TANC2: variants seen among roughly 807,000 people sequenced by gnomAD.
The protein encoded by TANC2 is protein TANC2.
Under a neutral mutation model 210.5 loss-of-function variants are expected in TANC2, and 26 were observed. That is an observed-to-expected ratio of 0.12 (90% CI 0.09 to 0.17). The LOEUF is 0.17. Among genes scored for constraint, TANC2 ranks in the 10% least tolerant of loss-of-function variants. The pLI is 1.00. For synonymous variants in TANC2, 931 were observed against 967.1 expected, an observed-to-expected ratio of 0.96 and a Z score of 0.69; for missense variants, 2,129 against 2,608.9, an observed-to-expected ratio of 0.82 and a Z score of 4.01.
chr17:63,313,223 TTTAA>T (rs1233416946), intron 9 of TANC2: 16 of 152,222 alleles, frequency 1.1e-4, no homozygotes, highest in Non-Finnish European at 2.9e-5. Flanking sequence ...ATACCTTATT[TTTAA>T]TTAATTCTTT....
intron 1 of TANC2, among the ~76,000 whole-genome samples, chr17:62,972,882 G>A (rs1009774644): frequency 1.3e-5 from 2 of 151,972 alleles, no homozygotes; most frequent in African/African-American, 4.8e-5. Context: ...CCTCTCCTTT[G>A]TTCTCTGGGC....
intron 1 of TANC2, among the ~76,000 whole-genome samples, chr17:62,976,350 C>T (rs1418649353): frequency 6.6e-6 from 1 of 152,038 alleles, no homozygotes; most frequent in Non-Finnish European, 1.5e-5. Context: ...CCTTACACCC[C>T]TACCCCCAGC....
At chr17:63,304,828 G>A (rs2044843793) in intron 9 of TANC2, among the ~76,000 whole-genome samples, 1 of 152,316 alleles carries the variant, frequency 6.6e-6, no homozygotes, top group East Asian at 1.9e-4. Flanking sequence ...AATGAGGAGG[G>A]ATGGGTCAGG....
chr17:63,004,592 T>TAAAA (rs60120400), intron 1 of TANC2: 2,474 of 153,190 alleles, frequency 0.016, 29 homozygotes, highest in Non-Finnish European at 0.022. Flanking sequence ...AGCATAGCTT[T>TAAAA]AAAAAAAAAA....
chr17:63,119,025 G>T (rs191194585), intron 4 of TANC2, among the ~76,000 whole-genome samples: 1 of 151,814 alleles, frequency 6.6e-6, no homozygotes, highest in Non-Finnish European at 1.5e-5. Context: ...CCCGTGATCC[G>T]CCCACCCCAG....
chr17:63,277,065 C>A (rs2043900042), intron 9 of TANC2, among the ~76,000 whole-genome samples: 2 of 152,140 alleles, frequency 1.3e-5, no homozygotes, highest in Non-Finnish European at 2.9e-5. Flanking sequence ...AGCTTCGACT[C>A]CTCTCTTCCT....
chr17:63,351,279 A>G lies in TANC2; in HGVS notation c.1837A>G (p.Ile613Val), dbSNP rs755062134. 9.9e-6 allele frequency: 16 copies of G among 1,608,176 alleles called. No individual in the cohort carries two copies. The Admixed American group carries it at 2.2e-4, about 22-fold the overall frequency. Residue 613 changes from isoleucine to valine, a missense_variant, in exon 13 of 28, where the codon ATT becomes GTT. By Grantham distance (29) the Ile-to-Val change is conservative (BLOSUM62 3). Transcript: ENST00000689528. ...AAAAATCCCAGATGAAGATTTCATCATTTTAATTGATGGATTAAATGAAGC... is the reference window on the plus strand; with the variant it reads ...AAAAATCCCAGATGAAGATTTCATCGTTTTAATTGATGGATTAAATGAAGC...
intron 14 of TANC2, among the ~76,000 whole-genome samples, chr17:63,358,308 T>C (rs1403743847): frequency 6.6e-6 from 1 of 152,040 alleles, no homozygotes; most frequent in Non-Finnish European, 1.5e-5. Context: ...GATGTATCGT[T>C]GTCTCATTGT....
chr17:63,094,137 T>C (rs140050002), intron 3 of TANC2, among the ~76,000 whole-genome samples: 73 of 152,340 alleles, frequency 4.8e-4, no homozygotes, highest in African/African-American at 1.7e-3. Flanking sequence ...TTTGCCTTAC[T>C]GACTTATTTT....
chr17:63,201,557 A>G (rs2145803706), intron 7 of TANC2, among the ~76,000 whole-genome samples: 1 of 152,078 alleles, frequency 6.6e-6, no homozygotes, highest in Non-Finnish European at 1.5e-5. Context: ...AGAGAACTTG[A>G]AACTTAGAAG....
intron 11 of TANC2, among the ~76,000 whole-genome samples, chr17:63,326,982 T>A (rs1401785983): frequency 6.6e-6 from 1 of 152,070 alleles, no homozygotes; most frequent in African/African-American, 2.4e-5. Context: ...ACCATACATC[T>A]GATAAGGAGT....
chr17:63,398,041 A>G (rs1408141012), intron 18 of TANC2, among the ~76,000 whole-genome samples: 3 of 152,242 alleles, frequency 2.0e-5, no homozygotes, highest in African/African-American at 7.2e-5. Flanking sequence ...TCAAATTCCC[A>G]GAAACAGAAC....
intron 4 of TANC2, chr17:63,149,768 T>A (rs942130380): frequency 3.3e-5 from 5 of 152,146 alleles, no homozygotes; most frequent in African/African-American, 1.2e-4. Context: ...TTATTTGTAA[T>A]AATGATTTTT....
intron 2 of TANC2, among the ~76,000 whole-genome samples, chr17:63,027,626 T>C (rs911431652): frequency 6.6e-6 from 1 of 151,790 alleles, no homozygotes; most frequent in African/African-American, 2.4e-5. Flanking sequence ...AATATAGTTA[T>C]GCTTCTGTTT....
At chr17:63,290,885 T>A (rs1370241558) in intron 9 of TANC2, among the ~76,000 whole-genome samples, 1 of 152,144 alleles carries the variant, frequency 6.6e-6, no homozygotes, top group African/African-American at 2.4e-5. Context: ...CTTACAATAA[T>A]GAAGAGTTAA....
chr17:63,220,838 G>A (rs560184022), intron 7 of TANC2, among the ~76,000 whole-genome samples: 4 of 147,386 alleles, frequency 2.7e-5, no homozygotes, highest in Admixed American at 6.8e-5. Context: ...ATGTATATAT[G>A]TGTGTATATA....
At chr17:63,264,477 T>G (rs1283689776) in intron 8 of TANC2, among the ~76,000 whole-genome samples, 1 of 152,132 alleles carries the variant, frequency 6.6e-6, no homozygotes, top group Non-Finnish European at 1.5e-5. Flanking sequence ...CCAAGCAAAA[T>G]GCCAGTATCA....
intron 5 of TANC2, among the ~76,000 whole-genome samples, chr17:63,187,271 A>G (rs918520444): frequency 1.3e-5 from 2 of 152,350 alleles, no homozygotes; most frequent in Non-Finnish European, 1.5e-5. Context: ...CTTACTAGCC[A>G]TATGAATTTG....
At chr17:63,425,520 TCA>T (rs1221974851) in exon 28 of TANC2, 1 of 152,268 alleles carries the variant, frequency 6.6e-6, no homozygotes, top group African/African-American at 2.4e-5. Flanking sequence ...TAGATTTTAG[TCA>T]CGTACAGTGG....
Sources: gnomAD v4.1 joint callset for allele counts (sites outside exome capture counted in the v4.1 genomes callset) on GRCh38, gnomAD v4.1.1 for gene constraint, MANE v1.5 for transcripts, NCBI Gene and HGNC (gene_info 2026-07-23, HGNC 2026-07-21) for gene names.